Variants in NUP98 observed in about 807,000 individuals in gnomAD.
The protein encoded by NUP98 is nuclear pore complex protein Nup98-Nup96.
In NUP98, 26 loss-of-function variants were observed where a neutral mutation model predicts 191.9. That is an observed-to-expected ratio of 0.14 (90% CI 0.10 to 0.19). The LOEUF (loss-of-function observed/expected upper bound fraction) is 0.19. NUP98 is among the 10% of genes least tolerant of loss of function. The pLI is 1.00. For synonymous variants in NUP98, 808 were observed against 778.4 expected (o/e 1.04, Z -0.63); for missense variants, 1,941 against 2,178.8 (o/e 0.89, Z 2.17).
chr11:3,796,670 G>A (rs768794881), intron 1 of NUP98, among the ~76,000 whole-genome samples: 2 of 152,158 alleles, frequency 1.3e-5, no homozygotes, highest in Middle Eastern at 3.2e-3. Context: ...ATCCAGGGAG[G>A]GTGAGGTAGT....
intron 18 of NUP98, 110 bp from the exon 19 acceptor site, chr11:3,714,105 T>C (rs2079103189): frequency 2.7e-6 from 3 of 1,115,174 alleles, no homozygotes; most frequent in Non-Finnish European, 2.6e-6. Context: ...TATGCTGCCT[T>C]GGAATTATTC....
At chr11:3,761,948 A>G (rs1463035037) in intron 9 of NUP98, among the ~76,000 whole-genome samples, 2 of 151,618 alleles carry the variant, frequency 1.3e-5, no homozygotes, top group Non-Finnish European at 2.9e-5. Context: ...GGTTTCAAAA[A>G]CAACAACAAC....
At chr11:3,697,798 AAC>A (rs1035395962) in intron 25 of NUP98, among the ~76,000 whole-genome samples, 2 of 147,400 alleles carry the variant, frequency 1.4e-5, no homozygotes, top group Admixed American at 1.4e-4. Flanking sequence ...CAGTCTGGTA[AAC>A]ACACAGACAG....
intron 10 of NUP98, 31 bp from the exon 11 acceptor site, chr11:3,753,439 C>T (rs748155626): frequency 4.6e-6 from 7 of 1,526,194 alleles, no homozygotes; most frequent in Admixed American, 1.7e-5. Context: ...GTGGATTGTA[C>T]TTTTAATATA....
At position 3,723,294 on chromosome 11, in the gene NUP98, G is replaced by C; in HGVS notation, c.2009C>G (p.Thr670Ser). Residue 670 changes from threonine to serine, a missense_variant, in exon 16 of 33, where the codon ACC (threonine) becomes AGC (serine). By Grantham distance (58) the Thr-to-Ser change is moderately conservative (BLOSUM62 1). Coordinates refer to ENST00000324932, the MANE Select transcript of NUP98 (RefSeq NM_016320.5). ...AGCACGCATGTTTAATGCAACAATG[G>C]TATCATCCACACTGTTGCTGTTGCT... Reference protein sequence around the residue: ...KHSNSNSVDDTIVALNMRAAL... With the variant: ...KHSNSNSVDDSIVALNMRAAL... The C allele has an allele frequency of 1.9e-6, 3 of 1,614,088 alleles. 1 individual carries two copies. The South Asian group carries it at 3.3e-5, about 18-fold the overall frequency.
Position 3,676,320 on chromosome 11 carries a change from G to C in NUP98, c.5242C>G (p.Pro1748Ala), listed in dbSNP as rs773643627. The change falls in exon 33 of 33, where the codon CCT becomes GCT. Residue 1748 changes from proline (P) to alanine (A), a missense_variant. Pro to Ala is a conservative substitution (Grantham distance 27). Around this residue, in one of 6 missense-constraint regions of NUP98, gnomAD observed 1,030 missense variants for 1,115.8 expected, o/e 0.92. Coordinates refer to ENST00000324932, the MANE Select transcript of NUP98 (RefSeq NM_016320.5). ...LRVVLSLHHP[P>A]DRTSDSTPDP... ...GGTGTTGAGTCGGAGGTTCTATCAG[G>C]AGGATGATGCAGACTCAGCACCACG... is the stretch of plus-strand genomic sequence containing the variant. The C allele has an allele frequency of 6.2e-7, 1 of 1,614,122 alleles. No individual in the cohort carries two copies. The highest frequency in any genetic ancestry group is 8.5e-7 in the Non-Finnish European group (1 of 1,179,974).
intron 25 of NUP98, among the ~76,000 whole-genome samples, chr11:3,698,682 G>A (rs938739487): frequency 3.0e-5 from 4 of 132,492 alleles, no homozygotes; most frequent in African/African-American, 6.0e-5. Context: ...AGCCGAGATC[G>A]CACCATTGTA....
chr11:3,689,659 A>G (rs1016479456), intron 28 of NUP98, among the ~76,000 whole-genome samples: 2 of 152,110 alleles, frequency 1.3e-5, no homozygotes, highest in Non-Finnish European at 2.9e-5. Flanking sequence ...TTTTGGAGAC[A>G]GGGTCTCTCT....
chr11:3,709,788 G>A (rs1265666366), intron 20 of NUP98, among the ~76,000 whole-genome samples: 1 of 132,396 alleles, frequency 7.6e-6, no homozygotes, highest in Non-Finnish European at 1.6e-5. Flanking sequence ...TCAGTTATAA[G>A]GCTGAGGTAC....
chr11:3,773,057 C>G (rs1253237415), intron 6 of NUP98, among the ~76,000 whole-genome samples: 4 of 152,118 alleles, frequency 2.6e-5, no homozygotes, highest in Non-Finnish European at 5.9e-5. Context: ...AAAACACCTT[C>G]ATATGCATGC....
chr11:3,779,500 G>T (rs1420626579), intron 2 of NUP98, among the ~76,000 whole-genome samples: 1 of 152,004 alleles, frequency 6.6e-6, no homozygotes, highest in Non-Finnish European at 1.5e-5. Context: ...AATTAGAAGG[G>T]CGTGGTGGCA....
chr11:3,715,638 G>C (rs2134185276), intron 18 of NUP98, among the ~76,000 whole-genome samples: 1 of 152,238 alleles, frequency 6.6e-6, no homozygotes, highest in Admixed American at 6.5e-5. Flanking sequence ...GCTCAGGCAG[G>C]AGAGAAGTGG....
chr11:3,679,409 A>C, intron 31 of NUP98, 145 bp downstream of exon 31: 1 of 963,348 alleles, frequency 1.0e-6, no homozygotes, highest in Non-Finnish European at 1.7e-6. Context: ...CGGTTATATC[A>C]AATGAGCCTC....
chr11:3,719,579 T>C lies in NUP98; in HGVS notation c.2261-29A>G, dbSNP rs16929781. On this transcript the variant is annotated intron_variant, in intron 17 of 32. Coordinates refer to ENST00000324932, the MANE Select transcript of NUP98 (RefSeq NM_016320.5). ...TAAATCAGAGCAAATAGTTAAAAAT[T>C]CATTCTGTATGAAGGCAAATACCTA... 3.5e-3 allele frequency: 5,168 copies of C among 1,497,662 alleles called. 147 individuals are homozygous for C. The African/African-American group carries it at 0.066, about 19-fold the overall frequency. The allele number at this position is 1,497,662 out of a possible 1,614,324, so 92.8% of individuals were successfully genotyped here.
intron 31 of NUP98, among the ~76,000 whole-genome samples, chr11:3,677,612 T>C (rs1366438382): frequency 1.3e-5 from 2 of 152,080 alleles, no homozygotes; most frequent in African/African-American, 4.8e-5. Flanking sequence ...TTTACTTGTA[T>C]GTATCTCCCC....
intron 2 of NUP98, among the ~76,000 whole-genome samples, chr11:3,781,115 G>A (rs976332115): frequency 4.7e-5 from 7 of 149,080 alleles, no homozygotes; most frequent in African/African-American, 1.8e-4. Context: ...GGGTCTGGGA[G>A]GTTGAGGCTG....
In NUP98 at chr11:3,708,277, A is replaced by G. The variant is rs1368073020; in HGVS notation, c.2743-1650T>C. Among the ~76,000 whole-genome samples the G allele has an allele frequency of 2.0e-5, 3 of 152,158 alleles. No individual in the cohort carries two copies. The East Asian group carries it at 5.8e-4, about 29-fold the overall frequency. ...CAGTAAACTATAAAAAGATAAGGAG[A>G]GTGAGTGGGAGGAAAGAAAAAATGG... On this transcript the variant is annotated intron_variant, in intron 20 of 32. Transcript: ENST00000324932.
At chr11:3,747,924 G>C (rs763175509) in intron 11 of NUP98, among the ~76,000 whole-genome samples, 2 of 152,178 alleles carry the variant, frequency 1.3e-5, no homozygotes, top group African/African-American at 4.8e-5. Flanking sequence ...TCAGGGAATT[G>C]CAACAGTGTG....
At chr11:3,686,263 C>T in intron 28 of NUP98, 69 bp from the exon 29 acceptor site, 2 of 1,362,832 alleles carry the variant, frequency 1.5e-6, no homozygotes, top group Admixed American at 1.8e-5. Context: ...GTCAACTGTT[C>T]TGCTTATGTC....
Sources: gnomAD v4.1 joint callset for allele counts (sites outside exome capture counted in the v4.1 genomes callset) on GRCh38, gnomAD v4.1.1 for gene constraint, gnomAD v4.1.1 regional missense constraint, MANE v1.5 for transcripts, NCBI Gene and HGNC (gene_info 2026-07-23, HGNC 2026-07-21) for gene names.